The following IFRD1 variants were observed in gnomAD, a reference collection of about 807,000 sequenced individuals.
IFRD1 encodes the protein interferon-related developmental regulator 1.
Under a neutral mutation model 52.9 loss-of-function variants are expected in IFRD1, and 35 were observed. That is an observed-to-expected ratio of 0.66 (90% CI 0.51 to 0.88). IFRD1 has a LOEUF of 0.88. IFRD1 is among the 40% of genes least tolerant of loss of function. The pLI, the probability that IFRD1 is intolerant of heterozygous loss-of-function variation, is 0.00. For synonymous variants in IFRD1, 184 were observed against 188.4 expected (o/e 0.98, Z 0.19); for missense variants, 517 against 550.8 (o/e 0.94, Z 0.61).
At chr7:112,431,918 A>G (rs1171709629) in intron 1 of IFRD1, among the ~76,000 whole-genome samples, 4 of 152,162 alleles carry the variant, frequency 2.6e-5, no homozygotes, top group East Asian at 1.9e-4. Flanking sequence ...TATTTTGTCC[A>G]TTTTGGCGTC....
At position 112,464,971 on chromosome 7, in the gene IFRD1, T is replaced by G. The variant is rs140605694; in HGVS notation, c.906+2593T>G. 9.5e-3 allele frequency among the ~76,000 whole-genome samples: 1,446 copies of G among 152,332 alleles called. 13 individuals carry two copies. Among genetic ancestry groups the G allele is most frequent in the Non-Finnish European group, 0.016 (1,111 of 68,012 alleles). On this transcript the variant is annotated intron_variant, in intron 8 of 11. Coordinates refer to ENST00000403825, the MANE Select transcript of IFRD1 (RefSeq NM_001550.4). Reference sequence around the variant, plus strand: ...TTTTTGCCCTTGTTTGTATAATAACTGACTCTGTGTAAAAATATCTCCATA... The same window carrying G: ...TTTTTGCCCTTGTTTGTATAATAACGGACTCTGTGTAAAAATATCTCCATA...
At chr7:112,437,396 AATGATG>A (rs1794729541) in intron 1 of IFRD1, 1 of 153,080 alleles carries the variant, frequency 6.5e-6, no homozygotes, top group African/African-American at 2.4e-5. Flanking sequence ...TTTCTATAAT[AATGATG>A]ATGATGATAG....
intron 8 of IFRD1, chr7:112,467,693 A>G (rs1353380598): frequency 5.4e-5 from 21 of 386,276 alleles, no homozygotes; most frequent in Non-Finnish European, 8.3e-5. Context: ...AATCCCAGTA[A>G]TGTCTTATAT....
intron 5 of IFRD1, chr7:112,461,516 A>G (rs1009233136): frequency 7.2e-5 from 12 of 167,106 alleles, no homozygotes. Context: ...ACTCATAAAA[A>G]TGATTCAATA....
At chr7:112,449,575 T>C (rs1795099631), upstream of IFRD1, among the ~76,000 whole-genome samples, 1 of 152,146 alleles carries the variant, frequency 6.6e-6, no homozygotes, top group African/African-American at 2.4e-5. Context: ...CTCTAAATAC[T>C]AGACAAATGT....
chr7:112,455,696 T>C, intron 1 of IFRD1, 67 bp from the exon 2 acceptor site: 1 of 1,062,912 alleles, frequency 9.4e-7, no homozygotes, highest in South Asian at 1.3e-5. Flanking sequence ...AACTTAAAAA[T>C]TCCAAAGTTA....
At chr7:112,469,284 C>T (rs1038953073) in intron 9 of IFRD1, among the ~76,000 whole-genome samples, 3 of 152,130 alleles carry the variant, frequency 2.0e-5, no homozygotes, top group South Asian at 2.1e-4. Context: ...ATATACCCTA[C>T]TTTCCTAATT....
intron 1 of IFRD1, among the ~76,000 whole-genome samples, chr7:112,443,290 C>T (rs961792628): frequency 3.9e-5 from 6 of 152,078 alleles, no homozygotes; most frequent in Non-Finnish European, 7.3e-5. Flanking sequence ...AAGCTGGGAA[C>T]AAGAACTGGT....
chr7:112,440,437 G>T (rs1794850479), intron 1 of IFRD1, among the ~76,000 whole-genome samples: 1 of 152,138 alleles, frequency 6.6e-6, no homozygotes. Context: ...ATAATTTAAA[G>T]ACTATTTTAA....
At chr7:112,430,181 C>T (rs908393020) in intron 1 of IFRD1, among the ~76,000 whole-genome samples, 9 of 152,184 alleles carry the variant, frequency 5.9e-5, no homozygotes, top group African/African-American at 9.7e-5. Flanking sequence ...TAATCAGCAA[C>T]GTAGAAAAGA....
intron 8 of IFRD1, among the ~76,000 whole-genome samples, chr7:112,463,699 GTTTCT>G (rs1795523762): frequency 6.6e-6 from 1 of 151,926 alleles, no homozygotes; most frequent in Non-Finnish European, 1.5e-5. Flanking sequence ...AGAAATGGCA[GTTTCT>G]TTTCTTTTTT....
chr7:112,461,934 G>T lies in IFRD1; in HGVS notation c.618+18G>T. 1.2e-6 allele frequency: 2 copies of T among 1,608,304 alleles called. No homozygotes were observed. Among genetic ancestry groups the T allele is most frequent in the African/African-American group, 2.7e-5 (2 of 74,754 alleles). On this transcript the variant is annotated intron_variant, in intron 6 of 11. Coordinates refer to ENST00000403825, the MANE Select transcript of IFRD1 (RefSeq NM_001550.4). Reference sequence around the variant, plus strand: ...ACATTACTGTAAGTAAAAAACCTTTGATTCTAGTTATCTGCAGTTATTTCT... The same window carrying T: ...ACATTACTGTAAGTAAAAAACCTTTTATTCTAGTTATCTGCAGTTATTTCT...
intron 9 of IFRD1, among the ~76,000 whole-genome samples, chr7:112,471,105 A>G (rs1290715282): frequency 1.3e-5 from 2 of 152,222 alleles, no homozygotes; most frequent in East Asian, 1.9e-4. Flanking sequence ...TGTTTTCTGA[A>G]TTAAAGAAGA....
intron 5 of IFRD1, chr7:112,461,188 A>G (rs1795423477): frequency 6.6e-6 from 1 of 152,150 alleles, no homozygotes; most frequent in Admixed American, 6.6e-5. Context: ...TTAGGTGGGA[A>G]GTTTGAAGAC....
At chr7:112,446,850 A>G (rs1795042422), upstream of IFRD1, among the ~76,000 whole-genome samples, 1 of 152,158 alleles carries the variant, frequency 6.6e-6, no homozygotes, top group South Asian at 2.1e-4. Context: ...TGCCAAACCT[A>G]GGTAAGGCCT....
At chr7:112,443,724 C>T (rs1794951152) in intron 1 of IFRD1, among the ~76,000 whole-genome samples, 2 of 151,718 alleles carry the variant, frequency 1.3e-5, no homozygotes, top group Non-Finnish European at 2.9e-5. Context: ...ATAAATTAGC[C>T]AGGCATGGTG....
In IFRD1 at chr7:112,450,757, A is replaced by G; in HGVS notation, c.69A>G (p.Ala23=). The change falls in exon 1 of 12, where the codon GCA becomes GCG. Residue 23 remains alanine, a synonymous_variant. Coordinates refer to ENST00000403825, the MANE Select transcript of IFRD1 (RefSeq NM_001550.4). ...GTGCTGGCGGCGGCGGGTCAGGAGC[A>G]GCCGCAGCGACGGCGGCGACAGCAG... ...GSSAGGGGSG[A]AAATAATAGG... The G allele has an allele frequency of 6.2e-7, 1 of 1,612,364 alleles. No individual in the cohort carries two copies. Among genetic ancestry groups the G allele is most frequent in the Admixed American group, 1.7e-5 (1 of 59,998 alleles).
chr7:112,442,311 C>T lies in IFRD1; in HGVS notation c.-181-8197C>T, dbSNP rs112381007. 6.3e-3 allele frequency among the ~76,000 whole-genome samples: 964 copies of T among 152,300 alleles called. 13 individuals carry two copies. The highest frequency in any genetic ancestry group is 0.021 in the African/African-American group (884 of 41,558). On this transcript the variant is annotated intron_variant, in intron 1 of 12. Transcript: ENST00000005558. ...AAGATCTTCCCTTGCTTACTGATGT[C>T]TAAAATTCCATCTTTAGCAGAGTCA... is the stretch of plus-strand genomic sequence containing the variant.
chr7:112,454,857 GTTTTTTTTTTTTTTTT>G (rs398005875), intron 1 of IFRD1, among the ~76,000 whole-genome samples: 1 of 78,810 alleles, frequency 1.3e-5, no homozygotes, highest in Non-Finnish European at 2.3e-5. Flanking sequence ...CTTCATATCA[GTTTTTTTTTTTTTTTT>G]TTTTTTTTTT....
Sources: allele counts gnomAD v4.1 joint callset (sites outside exome capture counted in the v4.1 genomes callset), GRCh38; gene constraint gnomAD v4.1.1; transcripts MANE v1.5; gene names NCBI Gene and HGNC (gene_info 2026-07-23, HGNC 2026-07-21).